Variants in CAMK2G observed in about 807,000 individuals in gnomAD.
The protein encoded by CAMK2G is calcium/calmodulin-dependent protein kinase type II subunit gamma.
CAMK2G carries 23 observed loss-of-function variants against 88.7 expected under a neutral mutation model. The observed-to-expected ratio is 0.26, with a 90% CI of 0.19 to 0.37. The LOEUF is 0.37. Ranked by LOEUF, CAMK2G falls within the 10% of genes least tolerant of loss-of-function variation. The probability of loss-of-function intolerance (pLI) is 1.00; values close to 1 mark genes in which losing one functional copy is unlikely to be tolerated. For synonymous variants in CAMK2G, 263 were observed against 294.8 expected, an observed-to-expected ratio of 0.89 and a Z score of 1.11; for missense variants, 476 against 780.8, an observed-to-expected ratio of 0.61 and a Z score of 4.65.
intron 19 of CAMK2G, chr10:73,818,682 C>T (rs1004183750): frequency 4.4e-6 from 2 of 454,600 alleles, no homozygotes; most frequent in African/African-American, 2.0e-5. Flanking sequence ...GGTGAGCAAG[C>T]AGCAGGTTAA....
At chr10:73,868,309 C>A (rs1023153183) in intron 2 of CAMK2G, among the ~76,000 whole-genome samples, 2 of 152,154 alleles carry the variant, frequency 1.3e-5, no homozygotes, top group African/African-American at 2.4e-5. Context: ...GACAGGGCAA[C>A]CTTCCCACCT....
chr10:73,817,586 A>G, intron 19 of CAMK2G, 32 bp from the exon 20 acceptor site: 1 of 1,486,762 alleles, frequency 6.7e-7, no homozygotes, highest in Non-Finnish European at 9.4e-7. Flanking sequence ...CAATTTACCT[A>G]CTGGGGAACC....
intron 2 of CAMK2G, among the ~76,000 whole-genome samples, chr10:73,868,208 A>G (rs1385171020): frequency 6.6e-6 from 1 of 152,056 alleles, no homozygotes; most frequent in Non-Finnish European, 1.5e-5. Context: ...TCAGCCACTC[A>G]CCTCTAGGGT....
At chr10:73,864,244 G>A (rs1305267611) in intron 2 of CAMK2G, among the ~76,000 whole-genome samples, 3 of 151,980 alleles carry the variant, frequency 2.0e-5, no homozygotes, top group Non-Finnish European at 4.4e-5. Context: ...GGAGGCTGCA[G>A]TGAGCCAAGA....
intron 15 of CAMK2G, among the ~76,000 whole-genome samples, chr10:73,826,173 C>G (rs2090873560): frequency 6.6e-6 from 1 of 152,208 alleles, no homozygotes; most frequent in African/African-American, 2.4e-5. Flanking sequence ...TGGCTCACAC[C>G]TGTAATCTCA....
At chr10:73,859,198 G>C (rs2095251052) in intron 3 of CAMK2G, among the ~76,000 whole-genome samples, 1 of 152,210 alleles carries the variant, frequency 6.6e-6, no homozygotes, top group Admixed American at 6.5e-5. Context: ...TCACAAGCTT[G>C]CAAGGCCTAC....
Position 73,848,609 on chromosome 10 carries a change from C to A in CAMK2G, c.518G>T (p.Gly173Val). The change falls in exon 8 of 23, where the codon GGT becomes GTT. Residue 173 changes from glycine (G) to valine (V), a missense_variant and splice_region_variant. By Grantham distance (109) the Gly-to-Val change is moderately radical. This residue lies in a region of CAMK2G where 164 missense variants were observed against 385.6 expected (regional missense o/e 0.43). Transcript: ENST00000423381. The surrounding 1 kb of genome is among the most constrained non-coding windows in gnomAD (Gnocchi z 4.5). ...EVQGEQQAWF[G>V]FAGTPGYLSP... is the part of the protein sequence containing the mutation. ...CAAGTAACCTGGGGTGCCAGCAAAA[C>A]CTGTAGCAAAAGAGAGGGCAGAGGC... 1 of 1,602,556 alleles carries A rather than the reference C, an allele frequency of 6.2e-7. No individual in the cohort carries two copies. The highest frequency in any genetic ancestry group is 8.5e-7 in the Non-Finnish European group (1 of 1,171,688).
chr10:73,830,939 G>T (rs2092327146), intron 14 of CAMK2G, among the ~76,000 whole-genome samples: 1 of 152,212 alleles, frequency 6.6e-6, no homozygotes, highest in South Asian at 2.1e-4. Flanking sequence ...GTTGGGAAGG[G>T]AAGATGGGAT....
intron 2 of CAMK2G, among the ~76,000 whole-genome samples, chr10:73,872,763 C>T (rs1371483630): frequency 6.6e-6 from 1 of 152,224 alleles, no homozygotes; most frequent in African/African-American, 2.4e-5. Context: ...TTGGGGGCCA[C>T]TGCAGCTACT....
intron 3 of CAMK2G, among the ~76,000 whole-genome samples, chr10:73,860,473 G>C (rs1485848306): frequency 6.6e-6 from 1 of 152,156 alleles, no homozygotes; most frequent in Non-Finnish European, 1.5e-5. Flanking sequence ...CCTTGCATGA[G>C]GGCTGTGGAT....
chr10:73,852,771 T>C (rs2094725213), intron 4 of CAMK2G: 1 of 240,348 alleles, frequency 4.2e-6, no homozygotes, highest in Non-Finnish European at 8.1e-6. Context: ...AGAGCCACTT[T>C]TAAGACATTA....
intron 14 of CAMK2G, among the ~76,000 whole-genome samples, chr10:73,829,303 T>TTTA (rs2091920989): frequency 6.6e-6 from 1 of 150,944 alleles, no homozygotes; most frequent in Non-Finnish European, 1.5e-5. Flanking sequence ...TATTTATTTA[T>TTTA]TTATTTATTT....
In CAMK2G at chr10:73,825,201, G is replaced by T. The variant is rs137992560; in HGVS notation, c.1155+78C>A. 2.0e-4 allele frequency: 199 copies of T among 1,009,686 alleles called. No individual in the cohort carries two copies. In the African/African-American group the frequency reaches 2.4e-3, roughly 12 times the overall value. 62.5% of individuals were successfully genotyped at this position (1,009,686 alleles called of 1,614,324 possible). On this transcript the variant is annotated intron_variant, in intron 16 of 22. Transcript: ENST00000423381. ...AAGGAACAGGCCAGGAGGCCAGGGA[G>T]GGGGCACAAGAGGAGGAAGAGGGAA...
intron 3 of CAMK2G, among the ~76,000 whole-genome samples, chr10:73,853,487 C>G (rs548571388): frequency 2.0e-5 from 3 of 152,342 alleles, no homozygotes; most frequent in Admixed American, 2.0e-4. Flanking sequence ...AGCTTCATGG[C>G]TAAGAAGTCA....
At chr10:73,857,544 CT>C (rs2095128707) in intron 3 of CAMK2G, among the ~76,000 whole-genome samples, 1 of 152,182 alleles carries the variant, frequency 6.6e-6, no homozygotes, top group Admixed American at 6.5e-5. Flanking sequence ...CCCAGACCCC[CT>C]GAATCAGAAT....
intron 19 of CAMK2G, chr10:73,818,926 C>A: frequency 2.4e-6 from 1 of 423,002 alleles, no homozygotes. Context: ...TACTGATAAC[C>A]CATCGAGGCA....
chr10:73,861,165 T>C (rs1043651793), intron 2 of CAMK2G, among the ~76,000 whole-genome samples: 2 of 152,176 alleles, frequency 1.3e-5, no homozygotes, highest in Non-Finnish European at 2.9e-5. Context: ...TAGCTGGAAC[T>C]ATAGGCACCA....
chr10:73,849,657 A>C (rs979622531), intron 5 of CAMK2G, among the ~76,000 whole-genome samples: 3 of 152,230 alleles, frequency 2.0e-5, no homozygotes, highest in African/African-American at 7.2e-5. Context: ...CCTGAGGAAG[A>C]AGAGAGCATC....
chr10:73,867,330 G>A (rs1303933769), intron 2 of CAMK2G, among the ~76,000 whole-genome samples: 1 of 152,204 alleles, frequency 6.6e-6, no homozygotes, highest in Non-Finnish European at 1.5e-5. Flanking sequence ...CCCCAAGAAG[G>A]CAAGGCTCTG....
Sources: gnomAD v4.1 joint callset for allele counts (sites outside exome capture counted in the v4.1 genomes callset) on GRCh38, gnomAD v4.1.1 for gene constraint, gnomAD v4.1.1 regional missense constraint, Gnocchi (gnomAD v3.1) non-coding constraint, MANE v1.5 for transcripts, NCBI Gene and HGNC (gene_info 2026-07-23, HGNC 2026-07-21) for gene names.